Variants in AKR1B1 observed in about 807,000 individuals in gnomAD.
AKR1B1 encodes the protein aldo-keto reductase family 1 member B1.
AKR1B1 carries 22 observed loss-of-function variants against 40.4 expected under a neutral mutation model. The observed-to-expected ratio is 0.54, with a 90% CI of 0.39 to 0.78. The LOEUF is 0.78. Among genes scored for constraint, AKR1B1 ranks in the 30% least tolerant of loss-of-function variants. The pLI is 0.00. For missense variants in AKR1B1, 357 were observed against 396.7 expected (o/e 0.90, Z 0.85); for synonymous variants, 157 against 149.9 (o/e 1.05, Z -0.35).
chr7:134,458,986 C>G lies in AKR1B1; in HGVS notation c.66+11G>C, dbSNP rs771600164. On this transcript the variant is annotated intron_variant, in intron 1 of 9. Coordinates refer to ENST00000285930, the MANE Select transcript of AKR1B1 (RefSeq NM_001628.4). ...GGCGAGCCCCGGGCCCGCGCCCCCA[C>G]GAGCACCTACCTTCCAGGTACCCAA... is the stretch of plus-strand genomic sequence containing the variant. 39 of 1,604,386 alleles carry G rather than the reference C, an allele frequency of 2.4e-5. No homozygotes were observed. The highest frequency in any genetic ancestry group is 3.1e-5 in the Non-Finnish European group (36 of 1,176,308).
Position 134,442,395 on chromosome 7 carries a change from G to C in AKR1B1, c.*333C>G, listed in dbSNP as rs549872743. On this transcript the variant is annotated 3_prime_UTR_variant, in exon 10 of 10. Transcript: ENST00000285930. ...TTTATTTGAGGCAAAGAGAAGTCTT[G>C]CTGAAAGGATTCCAGTTCCAAGCAG... 5.4e-4 allele frequency: 132 copies of C among 243,278 alleles called. No homozygotes were observed. Among genetic ancestry groups the C allele is most frequent in the African/African-American group, 2.6e-3 (118 of 44,810 alleles). The allele number at this position is 243,278 out of a possible 1,614,324, so 15.1% of individuals were successfully genotyped here.
chr7:134,455,060 AC>A (rs1806425139), intron 1 of AKR1B1, among the ~76,000 whole-genome samples: 1 of 152,162 alleles, frequency 6.6e-6, no homozygotes, highest in Non-Finnish European at 1.5e-5. Context: ...CAGCGCCTCA[AC>A]CCTCACCCCA....
chr7:134,448,362 G>A (rs1221091876), intron 6 of AKR1B1, 25 bp downstream of exon 6: 11 of 1,557,160 alleles, frequency 7.1e-6, no homozygotes, highest in Non-Finnish European at 8.9e-6. Flanking sequence ...AGTGACACAG[G>A]AGCATGAGCC....
chr7:134,448,142 A>C, intron 6 of AKR1B1, 81 bp from the exon 7 acceptor site: 3 of 1,221,868 alleles, frequency 2.5e-6, no homozygotes, highest in South Asian at 1.3e-5. Flanking sequence ...TAATCCTCCC[A>C]TCGACCTCAG....
At chr7:134,456,244 G>C (rs1207454450) in intron 1 of AKR1B1, among the ~76,000 whole-genome samples, 1 of 152,094 alleles carries the variant, frequency 6.6e-6, no homozygotes, top group Non-Finnish European at 1.5e-5. Context: ...CCATCGCCCA[G>C]GCTGGAGTGC....
At chr7:134,446,925 T>C (rs1806115891) in intron 8 of AKR1B1, among the ~76,000 whole-genome samples, 1 of 152,218 alleles carries the variant, frequency 6.6e-6, no homozygotes, top group East Asian at 1.9e-4. Flanking sequence ...AGCTGAGGCA[T>C]CGAGCAGTTA....
At chr7:134,448,904 C>T in intron 5 of AKR1B1, 93 bp downstream of exon 5, 1 of 1,537,432 alleles carries the variant, frequency 6.5e-7, no homozygotes, top group East Asian at 2.2e-5. Flanking sequence ...TGCCTCCTGG[C>T]CACTTGCTGG....
At chr7:134,454,237 C>T (rs1476215383) in intron 1 of AKR1B1, among the ~76,000 whole-genome samples, 1 of 152,218 alleles carries the variant, frequency 6.6e-6, no homozygotes, top group Non-Finnish European at 1.5e-5. Flanking sequence ...CTCTGCAAAG[C>T]TCTACGTTGG....
rs1806059434 is a variant in AKR1B1, at chr7:134,445,268, T to C, written c.878A>G (p.Asn293Ser). ...SQDMTTLLSY[N>S]RNWRVCALLS... ...CAAGGCACAGACCCTCCAGTTCCTG[T>C]TGTAGCTGAGTAAGGTGGTCATATC... is the stretch of plus-strand genomic sequence containing the variant. The change falls in exon 9 of 10, where the codon AAC becomes AGC. Residue 293 changes from asparagine to serine, a missense_variant. Coordinates refer to ENST00000285930, the MANE Select transcript of AKR1B1 (RefSeq NM_001628.4). The C allele has an allele frequency of 6.2e-7, 1 of 1,612,746 alleles. No homozygotes were observed. Among genetic ancestry groups the C allele is most frequent in the Non-Finnish European group, 8.5e-7 (1 of 1,179,784 alleles).
At chr7:134,452,515 A>G (rs1806319004) in intron 1 of AKR1B1, among the ~76,000 whole-genome samples, 1 of 152,226 alleles carries the variant, frequency 6.6e-6, no homozygotes, top group Admixed American at 6.5e-5. Flanking sequence ...CCACCTGACC[A>G]TCTGAGTAAC....
chr7:134,455,800 C>T (rs1325341215), intron 1 of AKR1B1, among the ~76,000 whole-genome samples: 3 of 152,096 alleles, frequency 2.0e-5, no homozygotes, highest in Non-Finnish European at 2.9e-5. Flanking sequence ...GCCAGCTGGT[C>T]TCGAACTCCT....
chr7:134,450,970 A>G (rs1427936485), intron 2 of AKR1B1, 68 bp from the exon 3 acceptor site: 2 of 1,302,240 alleles, frequency 1.5e-6, no homozygotes, highest in Admixed American at 1.7e-5. Flanking sequence ...GGAAAGACAG[A>G]GCAGTCTCCT....
chr7:134,446,520 T>C (rs1323193933), intron 8 of AKR1B1, among the ~76,000 whole-genome samples: 4 of 152,224 alleles, frequency 2.6e-5, no homozygotes, highest in African/African-American at 9.6e-5. Context: ...GCCACTTTGC[T>C]CAGTGAGAAC....
chr7:134,446,711 G>A (rs941073048), intron 8 of AKR1B1, among the ~76,000 whole-genome samples: 2 of 152,232 alleles, frequency 1.3e-5, no homozygotes, highest in African/African-American at 2.4e-5. Context: ...ACAGGTCTAG[G>A]CTCTGCCCAT....
At chr7:134,452,900 G>C (rs983551899) in intron 1 of AKR1B1, among the ~76,000 whole-genome samples, 1 of 152,210 alleles carries the variant, frequency 6.6e-6, no homozygotes, top group Non-Finnish European at 1.5e-5. Context: ...CAGCGAGGCA[G>C]GGTGGGGATG....
chr7:134,443,605 C>T (rs1163334187), intron 9 of AKR1B1, among the ~76,000 whole-genome samples: 1 of 150,786 alleles, frequency 6.6e-6, no homozygotes, highest in Non-Finnish European at 1.5e-5. Flanking sequence ...TGGCAGGGAG[C>T]ACAGGTGCAG....
chr7:134,457,940 C>T (rs1806521514), intron 1 of AKR1B1, among the ~76,000 whole-genome samples: 2 of 152,106 alleles, frequency 1.3e-5, no homozygotes, highest in African/African-American at 4.8e-5. Flanking sequence ...TTCCAGGCTG[C>T]AATGAACCAT....
chr7:134,450,929 T>C, intron 2 of AKR1B1, 27 bp from the exon 3 acceptor site: 1 of 1,583,282 alleles, frequency 6.3e-7, no homozygotes, highest in Non-Finnish European at 8.7e-7. Context: ...GCACATGTCA[T>C]CATTGCCAGC....
rs1161010969 is a variant in AKR1B1 at position 134,442,631 on chromosome 7, C to G, written c.*97G>C. ...GGCCACTCTACAGGTTGCTGTCCCACTGCTGAGTGACACAGGCCATACTAC... is the reference window on the plus strand; with the variant it reads ...GGCCACTCTACAGGTTGCTGTCCCAGTGCTGAGTGACACAGGCCATACTAC... On this transcript the variant is annotated 3_prime_UTR_variant, in exon 10 of 10. Transcript: ENST00000285930. 1.5e-6 allele frequency: 2 copies of G among 1,297,218 alleles called. No individual in the cohort carries two copies. The highest frequency in any genetic ancestry group is 2.2e-6 in the Non-Finnish European group (2 of 903,812). The allele number at this position is 1,297,218 out of a possible 1,614,324, so 80.4% of individuals were successfully genotyped here. A position where few individuals can be genotyped will look rare whatever the true frequency, so the allele number is the denominator to read the frequency against.
Sources: allele counts gnomAD v4.1 joint callset (sites outside exome capture counted in the v4.1 genomes callset), GRCh38; gene constraint gnomAD v4.1.1; transcripts MANE v1.5; gene names NCBI Gene and HGNC (gene_info 2026-07-23, HGNC 2026-07-21).